Variants in UBR1 observed in about 807,000 individuals in gnomAD.
UBR1 encodes the protein E3 ubiquitin-protein ligase UBR1.
A neutral mutation model predicts 242.1 loss-of-function variants in UBR1; 102 were observed. The observed-to-expected ratio is 0.42, with a 90% CI of 0.36 to 0.50. The LOEUF (loss-of-function observed/expected upper bound fraction) is 0.50. UBR1 is among the 20% of genes least tolerant of loss of function. The pLI is 0.01. For synonymous variants in UBR1, 675 were observed against 684.8 expected, an observed-to-expected ratio of 0.99 and a Z score of 0.22; for missense variants, 1,772 against 2,101.8, an observed-to-expected ratio of 0.84 and a Z score of 3.07.
intron 26 of UBR1, 42 bp downstream of exon 26, chr15:43,022,660 C>T (rs1466902841): frequency 1.1e-5 from 16 of 1,415,118 alleles, no homozygotes; most frequent in Non-Finnish European, 1.4e-5. Context: ...AAGATCTAGA[C>T]TTTCAATGAC....
At chr15:43,008,279 C>A (rs1205500085) in intron 29 of UBR1, among the ~76,000 whole-genome samples, 7 of 152,286 alleles carry the variant, frequency 4.6e-5, no homozygotes, top group Admixed American at 4.6e-4. Context: ...ACAGCTGCAA[C>A]TGCCCAGCTC....
chr15:42,961,247 G>C (rs1396361545), intron 42 of UBR1, among the ~76,000 whole-genome samples: 1 of 151,272 alleles, frequency 6.6e-6, no homozygotes, highest in Non-Finnish European at 1.5e-5. Flanking sequence ...TCAGTAGCTG[G>C]GACTACAAGC....
chr15:43,001,222 C>T (rs1404955365), intron 32 of UBR1, among the ~76,000 whole-genome samples: 2 of 151,740 alleles, frequency 1.3e-5, no homozygotes, highest in African/African-American at 4.8e-5. Context: ...TCTTGGCTCA[C>T]TACAACTGCC....
At chr15:42,960,506 G>T in intron 43 of UBR1, 139 bp downstream of exon 43, 2 of 859,708 alleles carry the variant, frequency 2.3e-6, no homozygotes, top group Non-Finnish European at 1.9e-6. Flanking sequence ...CTGATTTCTG[G>T]CAAAGACCTA....
At chr15:43,014,718 C>T (rs2032984883) in intron 29 of UBR1, among the ~76,000 whole-genome samples, 2 of 151,768 alleles carry the variant, frequency 1.3e-5, no homozygotes, top group South Asian at 4.2e-4. Context: ...AGCCCCTCCG[C>T]CCGGCAGCCA....
intron 1 of UBR1, chr15:43,092,213 CCTCAAGGCCCAG>C: frequency 3.4e-6 from 1 of 292,786 alleles, no homozygotes; most frequent in Non-Finnish European, 6.9e-6. Flanking sequence ...CTTATTTATC[CCTCAAGGCCCAG>C]CTCAAGGCCA....
chr15:42,957,464 T>G (rs906577448), intron 44 of UBR1, among the ~76,000 whole-genome samples: 2 of 152,206 alleles, frequency 1.3e-5, no homozygotes, highest in African/African-American at 4.8e-5. Flanking sequence ...ATACATTAAA[T>G]GCCACTGAAC....
Position 43,058,358 on chromosome 15 carries a change from C to A in UBR1, c.1165G>T (p.Ala389Ser), listed in dbSNP as rs200801495. 3 of 1,607,542 alleles carry A rather than the reference C, an allele frequency of 1.9e-6. No individual in the cohort carries two copies. Among genetic ancestry groups the A allele is most frequent in the Non-Finnish European group, 2.6e-6 (3 of 1,176,082 alleles). Residue 389 changes from alanine (A) to serine (S), a missense_variant, in exon 10 of 47, where the codon GCT (alanine) becomes TCT (serine). Physicochemically the swap from Ala to Ser is moderately conservative, Grantham distance 99 (BLOSUM62 1). This residue lies in a region of UBR1 where 734 missense variants were observed against 893.3 expected (regional missense o/e 0.82). Coordinates refer to ENST00000290650, the MANE Select transcript of UBR1 (RefSeq NM_174916.3). ...FMEMEYKKLFAMEFVKYYKQL... is the reference protein window; with the variant it reads ...FMEMEYKKLFSMEFVKYYKQL... Reference sequence around the variant, plus strand: ...ATAATTACCTTCACAAATTCCATAGCAAAGAGTTTTTTGTATTCCATCTCC... The same window carrying A: ...ATAATTACCTTCACAAATTCCATAGAAAAGAGTTTTTTGTATTCCATCTCC...
intron 40 of UBR1, among the ~76,000 whole-genome samples, chr15:42,967,983 A>G (rs1266011970): frequency 6.6e-6 from 1 of 151,354 alleles, no homozygotes; most frequent in African/African-American, 2.4e-5. Flanking sequence ...TATACAATAT[A>G]TGTACATATT....
In UBR1 at chr15:43,079,415, C is replaced by T. The variant is rs1431511705; in HGVS notation, c.417+3223G>A. 2.0e-5 allele frequency among the ~76,000 whole-genome samples: 3 copies of T among 152,120 alleles called. No homozygotes were observed. In the East Asian group the frequency reaches 5.8e-4, roughly 29 times the overall value. On this transcript the variant is annotated intron_variant, in intron 3 of 46. Coordinates refer to ENST00000290650, the MANE Select transcript of UBR1 (RefSeq NM_174916.3). ...CACCTGAATCTGTACACTAAAAGGG[C>T]CCATGAATTCTTGAGTGACTAATCA...
At chr15:43,059,937 C>T in intron 7 of UBR1, 112 bp from the exon 8 acceptor site, 1 of 1,544,888 alleles carries the variant, frequency 6.5e-7, no homozygotes, top group African/African-American at 1.4e-5. Context: ...CAAATCTCTG[C>T]ATCTAGGTGC....
intron 4 of UBR1, among the ~76,000 whole-genome samples, chr15:43,071,877 T>C (rs1407872604): frequency 5.3e-5 from 8 of 152,010 alleles, no homozygotes; most frequent in Admixed American, 3.3e-4. Flanking sequence ...TAGGTGGCCA[T>C]AACAAAAAAA....
intron 40 of UBR1, among the ~76,000 whole-genome samples, chr15:42,967,610 T>C (rs1401612947): frequency 1.3e-5 from 2 of 152,094 alleles, no homozygotes; most frequent in Non-Finnish European, 2.9e-5. Flanking sequence ...ATGTAAACTA[T>C]GAACTTGAGT....
chr15:43,003,963 G>C (rs779339749), intron 30 of UBR1, 33 bp from the exon 31 acceptor site: 1 of 1,595,480 alleles, frequency 6.3e-7, no homozygotes, highest in South Asian at 1.1e-5. Flanking sequence ...GGGAAAAAGA[G>C]AGACAGGTTA....
intron 30 of UBR1, among the ~76,000 whole-genome samples, chr15:43,005,170 C>T (rs2032793188): frequency 1.3e-5 from 2 of 149,948 alleles, no homozygotes; most frequent in Non-Finnish European, 3.0e-5. Flanking sequence ...AGTGAAGAGC[C>T]CCTCCGCCCA....
intron 5 of UBR1, 53 bp from the exon 6 acceptor site, chr15:43,068,089 T>TAAAAAAAAAAAAAAAAAAAGAA: frequency 1.3e-6 from 1 of 787,320 alleles, no homozygotes; most frequent in Non-Finnish European, 1.7e-6. Flanking sequence ...AAAGGAAAAG[T>TAAAAAAAAAAAAAAAAAAAGAA]AAAAAAAAAA....
chr15:42,990,721 A>AT (rs1253681721), intron 33 of UBR1, among the ~76,000 whole-genome samples: 1 of 152,116 alleles, frequency 6.6e-6, no homozygotes, highest in Non-Finnish European at 1.5e-5. Flanking sequence ...CTTTCCCTCT[A>AT]TTTTGCCATG....
chr15:42,945,007 T>C lies in UBR1; in HGVS notation c.*322A>G. The C allele has an allele frequency of 2.9e-6, 1 of 340,850 alleles. No individual in the cohort carries two copies. Among genetic ancestry groups the C allele is most frequent in the South Asian group, 2.6e-5 (1 of 37,946 alleles). The allele number at this position is 340,850 out of a possible 1,614,324, so 21.1% of individuals were successfully genotyped here. A position where few individuals can be genotyped will look rare whatever the true frequency, so the allele number is the denominator to read the frequency against. On this transcript the variant is annotated 3_prime_UTR_variant, in exon 47 of 47. Transcript: ENST00000290650. ...AATTGCAGAAGAGTTAACCAACATATAAAATGTCTACAACTGTTTGACGTG... is the reference window on the plus strand; with the variant it reads ...AATTGCAGAAGAGTTAACCAACATACAAAATGTCTACAACTGTTTGACGTG...
chr15:43,027,702 T>G, intron 22 of UBR1, 74 bp downstream of exon 22: 2 of 1,407,878 alleles, frequency 1.4e-6, no homozygotes, highest in Non-Finnish European at 2.0e-6. Context: ...CTTCAGAGCT[T>G]CTACAAAGTA....
Sources: gnomAD v4.1 joint callset for allele counts (sites outside exome capture counted in the v4.1 genomes callset) on GRCh38, gnomAD v4.1.1 for gene constraint, gnomAD v4.1.1 regional missense constraint, MANE v1.5 for transcripts, NCBI Gene and HGNC (gene_info 2026-07-23, HGNC 2026-07-21) for gene names.